The following SLC4A4 variants were observed in gnomAD, a reference collection of about 807,000 sequenced individuals.
The protein encoded by SLC4A4 is solute carrier family 4 member 4.
Under a neutral mutation model 111.5 loss-of-function variants are expected in SLC4A4, and 27 were observed. The ratio of observed to expected loss-of-function variants is 0.24; its 90% CI spans 0.18 to 0.33. The LOEUF is 0.33. SLC4A4 is among the 10% of genes least tolerant of loss of function. The pLI is 1.00. For synonymous variants in SLC4A4, 443 were observed against 463.4 expected, an observed-to-expected ratio of 0.96 and a Z score of 0.57; for missense variants, 909 against 1,315.5, an observed-to-expected ratio of 0.69 and a Z score of 4.78.
chr4:71,149,381 G>A (rs1036383446), intron 2 of SLC4A4, among the ~76,000 whole-genome samples: 1 of 151,972 alleles, frequency 6.6e-6, no homozygotes, highest in Non-Finnish European at 1.5e-5. Context: ...ATGATTTTGG[G>A]GCATTGATTA....
At chr4:71,434,253 TTTG>T (rs1723906244) in intron 7 of SLC4A4, among the ~76,000 whole-genome samples, 1 of 152,074 alleles carries the variant, frequency 6.6e-6, no homozygotes, top group Admixed American at 6.6e-5. Context: ...TACACAGGAA[TTTG>T]TTATTACATA....
intron 1 of SLC4A4, among the ~76,000 whole-genome samples, chr4:71,087,568 T>C (rs145671639): frequency 0.11 from 16,638 of 152,052 alleles, 1,364 homozygotes; most frequent in African/African-American, 0.22. Flanking sequence ...CCCTACACAC[T>C]GCTTTGAATG....
At chr4:71,382,895 T>C (rs919618509) in intron 6 of SLC4A4, among the ~76,000 whole-genome samples, 1 of 152,224 alleles carries the variant, frequency 6.6e-6, no homozygotes, top group Non-Finnish European at 1.5e-5. Flanking sequence ...GGGGAATTTC[T>C]GAAGCCAAAG....
chr4:71,201,674 A>G (rs1361919158), intron 1 of SLC4A4, among the ~76,000 whole-genome samples: 1 of 152,104 alleles, frequency 6.6e-6, no homozygotes, highest in Non-Finnish European at 1.5e-5. Flanking sequence ...TATCAGCCCT[A>G]CCTCTATTAT....
At chr4:71,365,945 A>G (rs1731211259) in intron 6 of SLC4A4, among the ~76,000 whole-genome samples, 2 of 152,168 alleles carry the variant, frequency 1.3e-5, no homozygotes, top group Non-Finnish European at 2.9e-5. Context: ...AGCTTCCTCA[A>G]TCATAATTTA....
intron 16 of SLC4A4, among the ~76,000 whole-genome samples, chr4:71,512,661 TG>T (rs775100995): frequency 7.4e-4 from 112 of 152,274 alleles, no homozygotes; most frequent in Non-Finnish European, 1.5e-3. Flanking sequence ...TGTCTATTTT[TG>T]TTTGGTTGCC....
chr4:71,349,190 G>T (rs371509294), intron 4 of SLC4A4, among the ~76,000 whole-genome samples: 1 of 152,128 alleles, frequency 6.6e-6, no homozygotes, highest in African/African-American at 2.4e-5. Flanking sequence ...AGAAAAGAGG[G>T]TTGTTCCATC....
At chr4:71,434,377 C>A (rs972491669) in intron 7 of SLC4A4, 9 of 177,672 alleles carry the variant, frequency 5.1e-5, no homozygotes, top group African/African-American at 2.1e-4. Flanking sequence ...ACAAAAAAAA[C>A]CCTTCAGACT....
intron 2 of SLC4A4, among the ~76,000 whole-genome samples, chr4:71,143,109 A>G (rs11732632): frequency 1.3e-5 from 2 of 150,986 alleles, no homozygotes; most frequent in Non-Finnish European, 3.0e-5. Context: ...TCCCCCCACC[A>G]TGCAACCATC....
At chr4:71,165,652 A>G (rs1486392946) in intron 2 of SLC4A4, among the ~76,000 whole-genome samples, 1 of 152,200 alleles carries the variant, frequency 6.6e-6, no homozygotes, top group Non-Finnish European at 1.5e-5. Flanking sequence ...ATGTATAGCT[A>G]TGTAACAAAC....
At chr4:71,488,235 T>C (rs911875279) in intron 15 of SLC4A4, among the ~76,000 whole-genome samples, 13 of 151,394 alleles carry the variant, frequency 8.6e-5, no homozygotes, top group Non-Finnish European at 7.4e-5. Context: ...TCACTTCCAC[T>C]GACTTAAGAA....
intron 3 of SLC4A4, among the ~76,000 whole-genome samples, chr4:71,265,898 G>A (rs182439480): frequency 6.6e-6 from 1 of 152,210 alleles, no homozygotes; most frequent in Admixed American, 6.5e-5. Context: ...CATACCATAT[G>A]ATAAATATCT....
At chr4:71,190,380 A>G (rs949244640) in intron 1 of SLC4A4, among the ~76,000 whole-genome samples, 2 of 130,320 alleles carry the variant, frequency 1.5e-5, no homozygotes, top group Non-Finnish European at 3.2e-5. Context: ...CTGTCTATGT[A>G]TGTTTACACA....
At chr4:71,467,174 A>G (rs188896146) in intron 13 of SLC4A4, among the ~76,000 whole-genome samples, 37 of 152,016 alleles carry the variant, frequency 2.4e-4, no homozygotes, top group Admixed American at 5.2e-4. Context: ...CCTGCTGTTG[A>G]TGGTCCCTGA....
intron 2 of SLC4A4, among the ~76,000 whole-genome samples, chr4:71,166,100 AG>A (rs1744737812): frequency 6.6e-6 from 1 of 152,230 alleles, no homozygotes. Context: ...TGGTTTACTA[AG>A]GAGTGAAATG....
chr4:71,122,646 G>A (rs9993216), intron 2 of SLC4A4, among the ~76,000 whole-genome samples: 4,374 of 152,234 alleles, frequency 0.029, 82 homozygotes, highest in Middle Eastern at 0.058. Context: ...AACACTGACA[G>A]TAGGTGCCTA....
chr4:71,109,316 C>G (rs2148950850), intron 2 of SLC4A4, among the ~76,000 whole-genome samples: 1 of 152,074 alleles, frequency 6.6e-6, no homozygotes, highest in Middle Eastern at 3.4e-3. Context: ...AAGTCTGGCT[C>G]CCAAAAGAGG....
intron 1 of SLC4A4, among the ~76,000 whole-genome samples, chr4:71,226,714 G>A (rs749566222): frequency 2.4e-4 from 37 of 152,160 alleles, no homozygotes; most frequent in Middle Eastern, 3.4e-3. Context: ...TGTTTATGGG[G>A]TTTATGTTGT....
chr4:71,400,593 G>A (rs1720267373), intron 7 of SLC4A4, among the ~76,000 whole-genome samples: 1 of 152,170 alleles, frequency 6.6e-6, no homozygotes, highest in Admixed American at 6.5e-5. Context: ...CTTCAAGAAA[G>A]GAAGAAACTC....
Sources: allele counts gnomAD v4.1 joint callset (sites outside exome capture counted in the v4.1 genomes callset), GRCh38; gene constraint gnomAD v4.1.1; transcripts MANE v1.5; gene names NCBI Gene and HGNC (gene_info 2026-07-23, HGNC 2026-07-21).